FHAD1: variants seen among roughly 807,000 people sequenced by gnomAD.
The protein encoded by FHAD1 is forkhead associated phosphopeptide binding domain 1.
FHAD1 carries 146 observed loss-of-function variants against 191.3 expected under a neutral mutation model. The ratio of observed to expected loss-of-function variants is 0.76; its 90% CI spans 0.67 to 0.88. FHAD1 has a LOEUF of 0.88. Among genes scored for constraint, FHAD1 ranks in the 40% least tolerant of loss-of-function variants. The pLI, the probability that FHAD1 is intolerant of heterozygous loss-of-function variation, is 0.00. For missense variants in FHAD1, 1,635 were observed against 1,785.8 expected, an observed-to-expected ratio of 0.92 and a Z score of 1.52; for synonymous variants, 616 against 672.3, an observed-to-expected ratio of 0.92 and a Z score of 1.29.
intron 2 of FHAD1, among the ~76,000 whole-genome samples, chr1:15,256,418 C>T (rs927850625): frequency 2.6e-5 from 4 of 151,878 alleles, no homozygotes; most frequent in Non-Finnish European, 4.4e-5. Flanking sequence ...TTTGGGAGGC[C>T]GAGGCGGGCG....
At chr1:15,365,695 C>A in intron 23 of FHAD1, 132 bp from the exon 24 acceptor site, 57 of 539,536 alleles carry the variant, frequency 1.1e-4, no homozygotes, top group East Asian at 1.6e-4. Context: ...CTGTCCTCAT[C>A]CTTTGCTGGG....
intron 33 of FHAD1, among the ~76,000 whole-genome samples, chr1:15,396,154 A>G (rs954068966): frequency 6.6e-6 from 1 of 152,054 alleles, no homozygotes; most frequent in Non-Finnish European, 1.5e-5. Flanking sequence ...TACAAAAAGT[A>G]AAATAAAATA....
At chr1:15,272,672 C>A in intron 3 of FHAD1, 143 bp downstream of exon 3, 1 of 721,860 alleles carries the variant, frequency 1.4e-6, no homozygotes, top group Non-Finnish European at 2.3e-6. Context: ...CAGAGTGGAC[C>A]CTGTGGAGTT....
At chr1:15,364,780 A>C (rs1410604494) in intron 23 of FHAD1, among the ~76,000 whole-genome samples, 1 of 152,130 alleles carries the variant, frequency 6.6e-6, no homozygotes, top group East Asian at 1.9e-4. Context: ...TATCTCCGCC[A>C]GGCTGCAGTT....
intron 6 of FHAD1, among the ~76,000 whole-genome samples, chr1:15,306,308 T>C (rs1670475829): frequency 6.6e-6 from 1 of 152,218 alleles, no homozygotes; most frequent in East Asian, 1.9e-4. Context: ...TGGGTGCTGT[T>C]AAAAGCATTC....
Position 15,381,049 on chromosome 1 carries a change from G to A in FHAD1, c.3802-182G>A, listed in dbSNP as rs189905037. ...CCCCGGTTCTCAAAAAAGGCATAGC[G>A]TAAATGGATGTGGGAGAAAGGAAAG... On this transcript the variant is annotated intron_variant, in intron 29 of 33. Coordinates refer to ENST00000688493, the MANE Select transcript of FHAD1 (RefSeq NM_001391957.1). The surrounding 1 kb of genome is among the most constrained non-coding windows in gnomAD (Gnocchi z 4.6). Among the ~76,000 whole-genome samples the A allele has an allele frequency of 1.3e-5, 2 of 152,310 alleles. No homozygotes were observed. Among genetic ancestry groups the A allele is most frequent in the South Asian group, 2.1e-4 (1 of 4,832 alleles).
At chr1:15,271,280 T>C (rs1473525856) in intron 2 of FHAD1, among the ~76,000 whole-genome samples, 4 of 151,690 alleles carry the variant, frequency 2.6e-5, no homozygotes, top group African/African-American at 9.7e-5. Context: ...GCCACCACAC[T>C]CCAGCCTGGG....
chr1:15,245,497 C>G (rs1218531738), upstream of FHAD1, among the ~76,000 whole-genome samples: 2 of 152,086 alleles, frequency 1.3e-5, no homozygotes, highest in Non-Finnish European at 2.9e-5. Flanking sequence ...GCAAAGGAGA[C>G]TCTTGAGGGG....
At chr1:15,301,538 G>C (rs149253803) in intron 6 of FHAD1, 97 bp downstream of exon 6, 7 of 1,008,344 alleles carry the variant, frequency 6.9e-6, no homozygotes, top group Non-Finnish European at 8.8e-6. Context: ...GTTAGGGAAC[G>C]CGTGGTCAGT....
chr1:15,324,099 ACT>A (rs1177430193), intron 10 of FHAD1, among the ~76,000 whole-genome samples: 2 of 152,012 alleles, frequency 1.3e-5, no homozygotes, highest in East Asian at 3.9e-4. Context: ...CCCCACAATA[ACT>A]CTGCGAAGAG....
At chr1:15,383,860 T>C (rs1006670536) in intron 31 of FHAD1, 5 of 447,500 alleles carry the variant, frequency 1.1e-5, no homozygotes, top group African/African-American at 1.0e-4. Context: ...ACACAGCGGC[T>C]GGTAAGGACA....
In FHAD1 at chr1:15,329,201, GA is replaced by G. The variant is rs983809546; in HGVS notation, c.1711-138del. The G allele has an allele frequency of 8.3e-6, 5 of 599,822 alleles. No homozygotes were observed. The African/African-American group carries it at 9.2e-5, about 11-fold the overall frequency. The allele number at this position is 599,822 out of a possible 1,614,324, so 37.2% of individuals were successfully genotyped here. On this transcript the variant is annotated intron_variant, in intron 13 of 33. Transcript: ENST00000688493. This position sits in a 1 kb window ranked among gnomAD's most constrained non-coding sequence, Gnocchi z 5.0. ...GTCAAAACATAAAAATTTTAAAAAAGAAAAAAACTGAGTCCTCCCAAGGCGG... is the reference window on the plus strand; with the variant it reads ...GTCAAAACATAAAAATTTTAAAAAAGAAAAAACTGAGTCCTCCCAAGGCGG...
At chr1:15,385,597 C>T (rs1488549139) in intron 31 of FHAD1, among the ~76,000 whole-genome samples, 1 of 152,054 alleles carries the variant, frequency 6.6e-6, no homozygotes, top group East Asian at 1.9e-4. Context: ...CATAGCAAGA[C>T]ACCACCTCTA....
At chr1:15,278,075 C>T (rs1239740694) in intron 3 of FHAD1, among the ~76,000 whole-genome samples, 1 of 152,140 alleles carries the variant, frequency 6.6e-6, no homozygotes, top group East Asian at 1.9e-4. Flanking sequence ...TGTTCTTAAC[C>T]AGAGGTCGGC....
chr1:15,363,940 A>G, intron 23 of FHAD1: 1 of 366,464 alleles, frequency 2.7e-6, no homozygotes, highest in South Asian at 2.1e-5. Flanking sequence ...CTAATGTCAC[A>G]GGGTTTTTAC....
chr1:15,397,547 C>G lies in FHAD1; in HGVS notation c.*134C>G, dbSNP rs894694557. ...TTACCCTAGTGTTTCATTTCCTAGACCAGTATTTTGAACAATATTATATTT... is the reference window on the plus strand; with the variant it reads ...TTACCCTAGTGTTTCATTTCCTAGAGCAGTATTTTGAACAATATTATATTT... On this transcript the variant is annotated 3_prime_UTR_variant, in exon 34 of 34. Transcript: ENST00000688493. 8 of 459,348 alleles carry G rather than the reference C, an allele frequency of 1.7e-5. No homozygotes were observed. The highest frequency in any genetic ancestry group is 1.4e-4 in the African/African-American group (7 of 50,806). The allele number at this position is 459,348 out of a possible 1,614,324, so 28.5% of individuals were successfully genotyped here.
At chr1:15,368,710 C>T (rs947281481) in intron 25 of FHAD1, among the ~76,000 whole-genome samples, 3 of 152,164 alleles carry the variant, frequency 2.0e-5, no homozygotes, top group Non-Finnish European at 2.9e-5. Context: ...GAGGCTGAGG[C>T]AGGTGAATCA....
chr1:15,377,778 G>A (rs1308059402), intron 28 of FHAD1, among the ~76,000 whole-genome samples: 4 of 152,038 alleles, frequency 2.6e-5, no homozygotes, highest in Non-Finnish European at 5.9e-5. Flanking sequence ...GCTGCAGTGA[G>A]CCAAGATCAC....
intron 2 of FHAD1, among the ~76,000 whole-genome samples, chr1:15,269,568 A>G (rs904649415): frequency 6.6e-6 from 1 of 152,200 alleles, no homozygotes. Flanking sequence ...GGTGTGTTTT[A>G]TGGCTCAGAA....
Sources: allele counts gnomAD v4.1 joint callset (sites outside exome capture counted in the v4.1 genomes callset), GRCh38; gene constraint gnomAD v4.1.1; non-coding constraint Gnocchi (gnomAD v3.1); transcripts MANE v1.5; gene names NCBI Gene and HGNC (gene_info 2026-07-23, HGNC 2026-07-21).